The following PCED1B variants were observed in gnomAD, a reference collection of about 807,000 sequenced individuals.
PCED1B encodes the protein PC-esterase domain containing 1B.
For missense variants in PCED1B, 573 were observed against 573.9 expected, an observed-to-expected ratio of 1.00 and a Z score of 0.02; for synonymous variants, 251 against 246.1, an observed-to-expected ratio of 1.02 and a Z score of -0.19.
At chr12:47,081,911 A>G (rs1290280510) in intron 1 of PCED1B, among the ~76,000 whole-genome samples, 7 of 152,242 alleles carry the variant, frequency 4.6e-5, no homozygotes, top group Non-Finnish European at 1.0e-4. Flanking sequence ...TATTGTAGAA[A>G]CATTATGCAG....
At chr12:47,133,217 A>G (rs1940204719) in intron 2 of PCED1B, among the ~76,000 whole-genome samples, 1 of 152,212 alleles carries the variant, frequency 6.6e-6, no homozygotes, top group Non-Finnish European at 1.5e-5. Flanking sequence ...GCTAAATTAA[A>G]AGAGACAACA....
intron 2 of PCED1B, among the ~76,000 whole-genome samples, chr12:47,145,762 C>T (rs532425847): frequency 6.6e-6 from 1 of 152,310 alleles, no homozygotes; most frequent in East Asian, 1.9e-4. Flanking sequence ...ATTCCTTTTA[C>T]AATATTACTG....
intron 2 of PCED1B, among the ~76,000 whole-genome samples, chr12:47,123,002 A>T (rs1162953657): frequency 6.6e-6 from 1 of 152,212 alleles, no homozygotes; most frequent in Non-Finnish European, 1.5e-5. Flanking sequence ...AGCGTACCAT[A>T]GGGTAAGAAG....
chr12:47,148,496 A>G (rs930916397), intron 2 of PCED1B, among the ~76,000 whole-genome samples: 10 of 152,210 alleles, frequency 6.6e-5, no homozygotes, highest in Admixed American at 1.3e-4. Context: ...CTGCTATAGC[A>G]AATTTACAGG....
chr12:47,105,564 C>T (rs1453204760), intron 2 of PCED1B, among the ~76,000 whole-genome samples: 1 of 151,750 alleles, frequency 6.6e-6, no homozygotes, highest in African/African-American at 2.4e-5. Context: ...GTCATGGGGA[C>T]CTATGAAAAG....
At chr12:47,165,677 T>C (rs973769147) in intron 2 of PCED1B, among the ~76,000 whole-genome samples, 16 of 152,230 alleles carry the variant, frequency 1.1e-4, no homozygotes, top group Admixed American at 9.8e-4. Context: ...ATGTTGACTA[T>C]TTGACACAAA....
chr12:47,223,736 G>A (rs1943554816), intron 3 of PCED1B: 1 of 152,252 alleles, frequency 6.6e-6, no homozygotes, highest in African/African-American at 2.4e-5. Flanking sequence ...TGAGGAGGGA[G>A]TCCAAACAGG....
intron 2 of PCED1B, among the ~76,000 whole-genome samples, chr12:47,164,558 T>C (rs1274678829): frequency 6.6e-6 from 1 of 152,238 alleles, no homozygotes; most frequent in African/African-American, 2.4e-5. Context: ...TGCCTGTAGC[T>C]TTCCCAGGTA....
chr12:47,106,584 C>T (rs1296028819), intron 2 of PCED1B, among the ~76,000 whole-genome samples: 1 of 152,126 alleles, frequency 6.6e-6, no homozygotes, highest in Non-Finnish European at 1.5e-5. Context: ...TGTCTGTCAT[C>T]CCAGGCCCCA....
chr12:47,094,900 C>CTTTTTT (rs59157160), intron 1 of PCED1B, among the ~76,000 whole-genome samples: 1 of 140,106 alleles, frequency 7.1e-6, no homozygotes, highest in Admixed American at 7.1e-5. Flanking sequence ...CTCTCTCTTT[C>CTTTTTT]TTTTTTTTTT....
chr12:47,223,343 T>C (rs1943542347), intron 3 of PCED1B, among the ~76,000 whole-genome samples: 1 of 151,934 alleles, frequency 6.6e-6, no homozygotes, highest in South Asian at 2.1e-4. Flanking sequence ...CTAACAAACA[T>C]TCCTTGGCTT....
At chr12:47,212,127 A>G (rs1428891464) in intron 2 of PCED1B, among the ~76,000 whole-genome samples, 1 of 150,074 alleles carries the variant, frequency 6.7e-6, no homozygotes, top group East Asian at 2.0e-4. Context: ...AAAAACTAGC[A>G]GGGCATGGTG....
intron 2 of PCED1B, among the ~76,000 whole-genome samples, chr12:47,151,620 G>A (rs1940995238): frequency 1.3e-5 from 2 of 152,212 alleles, no homozygotes; most frequent in Non-Finnish European, 2.9e-5. Flanking sequence ...GAGAGCCAAT[G>A]GTATAATTCC....
At chr12:47,227,802 G>A (rs1943678890) in intron 3 of PCED1B, among the ~76,000 whole-genome samples, 1 of 151,874 alleles carries the variant, frequency 6.6e-6, no homozygotes, top group South Asian at 2.1e-4. Flanking sequence ...TCAGTGAGCT[G>A]AGATCTCGCC....
chr12:47,208,279 A>C (rs1182642325), intron 2 of PCED1B: 1 of 154,174 alleles, frequency 6.5e-6, no homozygotes, highest in Non-Finnish European at 1.4e-5. Flanking sequence ...CTCATCTCCC[A>C]GGCTGGAGTG....
At chr12:47,155,927 A>G (rs990898989) in intron 2 of PCED1B, among the ~76,000 whole-genome samples, 11 of 152,188 alleles carry the variant, frequency 7.2e-5, no homozygotes, top group African/African-American at 2.7e-4. Flanking sequence ...GTTAAAAGTG[A>G]AAGGAGGGGA....
intron 2 of PCED1B, among the ~76,000 whole-genome samples, chr12:47,182,274 C>T (rs912653102): frequency 2.0e-5 from 3 of 152,020 alleles, no homozygotes; most frequent in Admixed American, 6.6e-5. Flanking sequence ...AGCAATAGAC[C>T]TACAGTATTG....
intron 2 of PCED1B, among the ~76,000 whole-genome samples, chr12:47,148,166 C>T (rs1940860864): frequency 6.6e-6 from 1 of 152,118 alleles, no homozygotes; most frequent in Non-Finnish European, 1.5e-5. Flanking sequence ...TTATAACAAC[C>T]CATTTTCACA....
At position 47,235,819 on chromosome 12, in the gene PCED1B, G is replaced by T. The variant is rs1381849665; in HGVS notation, c.756G>T (p.Trp252Cys). 9 of 1,576,470 alleles carry T rather than the reference G, an allele frequency of 5.7e-6. No individual in the cohort carries two copies. Among genetic ancestry groups the T allele is most frequent in the Non-Finnish European group, 7.8e-6 (9 of 1,161,152 alleles). The change falls in exon 4 of 4, where the codon TGG becomes TGT. Residue 252 changes from tryptophan to cysteine, a missense_variant. Transcript: ENST00000546455. ...QLLLAHVADA[W>C]GVELPHRHPV... Reference sequence around the variant, plus strand: ...TGCTGGCCCACGTGGCCGACGCCTGGGGTGTGGAGCTGCCCCACCGCCACC... The same window carrying T: ...TGCTGGCCCACGTGGCCGACGCCTGTGGTGTGGAGCTGCCCCACCGCCACC...
Sources: gnomAD v4.1 joint callset for allele counts (sites outside exome capture counted in the v4.1 genomes callset) on GRCh38, gnomAD v4.1.1 for gene constraint, MANE v1.5 for transcripts, NCBI Gene and HGNC (gene_info 2026-07-23, HGNC 2026-07-21) for gene names.